Variants in TMEM156 observed in about 807,000 individuals in gnomAD.
TMEM156 encodes the protein transmembrane protein 156.
A neutral mutation model predicts 30.5 loss-of-function variants in TMEM156; 28 were observed. The ratio of observed to expected loss-of-function variants is 0.92; its 90% CI spans 0.68 to 1.26. TMEM156 has a LOEUF of 1.26. TMEM156 is among the 50% of genes most tolerant of loss of function. TMEM156 has a pLI of 0.00. For synonymous variants in TMEM156, 137 were observed against 119.9 expected, an observed-to-expected ratio of 1.14 and a Z score of -0.93; for missense variants, 351 against 340.6, an observed-to-expected ratio of 1.03 and a Z score of -0.24.
At chr4:38,973,322 T>C (rs751465849) in intron 5 of TMEM156, among the ~76,000 whole-genome samples, 25 of 152,344 alleles carry the variant, frequency 1.6e-4, no homozygotes, top group Non-Finnish European at 1.3e-4. Context: ...CATCTTTATA[T>C]ATTCGTCTTC....
At chr4:39,028,427 G>A (rs1010961142) in intron 1 of TMEM156, 2 of 152,202 alleles carry the variant, frequency 1.3e-5, no homozygotes, top group Admixed American at 6.5e-5. Flanking sequence ...TACAAGGAAC[G>A]TCCTCCCAAA....
intron 1 of TMEM156, among the ~76,000 whole-genome samples, chr4:39,000,955 C>T (rs112395642): frequency 9.2e-4 from 140 of 152,102 alleles, no homozygotes; most frequent in African/African-American, 3.1e-3. Context: ...ATTCATCTTT[C>T]CTTTAGGACA....
intron 1 of TMEM156, among the ~76,000 whole-genome samples, chr4:39,017,923 T>A (rs943799603): frequency 1.2e-4 from 19 of 152,322 alleles, no homozygotes; most frequent in African/African-American, 4.6e-4. Context: ...GGAAATTGCT[T>A]TTTTAATCTA....
chr4:38,988,683 C>T (rs1258495370), intron 4 of TMEM156, among the ~76,000 whole-genome samples, 168 bp downstream of exon 4: 1 of 152,198 alleles, frequency 6.6e-6, no homozygotes, highest in African/African-American at 2.4e-5. Context: ...ATGAATGAAG[C>T]TCCTTGCATG....
In TMEM156 at chr4:38,986,345, C is replaced by T. The variant is rs75988651; in HGVS notation, c.814G>A (p.Val272Ile). ...SEKLRALNVQ[V>I]LSAETTQRLP... ...ATGCCACAGAACTTACCTGAAAGAA[C>T]CTGCACATTCAATGCTCTCAGTTTC... Residue 272 changes from valine to isoleucine, a missense_variant, in exon 5 of 7, where the codon GTT becomes ATT. Physicochemically the swap from Val to Ile is conservative, Grantham distance 29. Coordinates refer to ENST00000381938, the MANE Select transcript of TMEM156 (RefSeq NM_024943.3). 0.043 allele frequency: 69,175 copies of T among 1,612,796 alleles called. 1,776 individuals are homozygous for T. Among genetic ancestry groups the T allele is most frequent in the Non-Finnish European group, 0.052 (61,095 of 1,178,828 alleles).
chr4:39,021,518 A>C (rs565987741), intron 1 of TMEM156, among the ~76,000 whole-genome samples: 3 of 152,194 alleles, frequency 2.0e-5, no homozygotes, highest in African/African-American at 2.4e-5. Context: ...TTGCTGTTGC[A>C]TTGTCTGAAT....
chr4:39,007,759 T>G (rs1713841871), intron 1 of TMEM156, among the ~76,000 whole-genome samples: 1 of 152,090 alleles, frequency 6.6e-6, no homozygotes, highest in African/African-American at 2.4e-5. Context: ...ACCCAGCCCT[T>G]TCTGTCTATT....
At chr4:39,021,854 T>A (rs1714892414) in intron 1 of TMEM156, among the ~76,000 whole-genome samples, 1 of 152,238 alleles carries the variant, frequency 6.6e-6, no homozygotes, top group Non-Finnish European at 1.5e-5. Flanking sequence ...TGCTTACTCA[T>A]ACTTTTTGAT....
chr4:39,007,632 A>T lies in TMEM156; in HGVS notation c.89-8723T>A, dbSNP rs1207327838. Among the ~76,000 whole-genome samples the T allele has an allele frequency of 1.3e-5, 2 of 151,244 alleles. 1 individual carries two copies. The highest frequency in any genetic ancestry group is 1.3e-4 in the Admixed American group (2 of 15,180). On this transcript the variant is annotated intron_variant, in intron 1 of 6. Transcript: ENST00000381938. The stretch of plus-strand genomic sequence containing the variant: ...ACCACACCCAGCTCATTTTTTTGGT[A>T]TTTTTTGGTAGAGATGGGGTTTCAC...
chr4:38,997,516 T>C (rs1713017378), intron 2 of TMEM156, among the ~76,000 whole-genome samples: 1 of 152,278 alleles, frequency 6.6e-6, no homozygotes, highest in African/African-American at 2.4e-5. Context: ...GAAATTATGT[T>C]CCCATTCTCA....
chr4:38,992,688 AATATATTATATAAT>A (rs1260500649), intron 3 of TMEM156, among the ~76,000 whole-genome samples: 1 of 46,630 alleles, frequency 2.1e-5, no homozygotes, highest in African/African-American at 7.3e-5. Flanking sequence ...TATATTATAT[AATATATTATATAAT>A]ATATATATAT....
chr4:38,981,164 G>A (rs1257581265), intron 5 of TMEM156, among the ~76,000 whole-genome samples: 19 of 152,108 alleles, frequency 1.2e-4, no homozygotes, highest in Non-Finnish European at 2.1e-4. Context: ...AGGACATCTG[G>A]CACCAGTAAT....
At chr4:39,017,985 A>C (rs1231244807) in intron 1 of TMEM156, among the ~76,000 whole-genome samples, 1 of 152,056 alleles carries the variant, frequency 6.6e-6, no homozygotes, top group Non-Finnish European at 1.5e-5. Context: ...ATTTACATTT[A>C]CTGGGATCAT....
chr4:38,976,976 G>A (rs952428703), intron 5 of TMEM156, among the ~76,000 whole-genome samples: 2 of 152,146 alleles, frequency 1.3e-5, no homozygotes, highest in African/African-American at 2.4e-5. Context: ...CACAATCTTG[G>A]CTCACTACAG....
chr4:38,999,116 T>A (rs1274809038), intron 1 of TMEM156, among the ~76,000 whole-genome samples: 1,605 of 105,372 alleles, frequency 0.015, 32 homozygotes, highest in East Asian at 0.032. Flanking sequence ...ATTTATTTTT[T>A]TTTTTTTTTT....
At chr4:38,967,726 A>G (rs1374998505) in intron 6 of TMEM156, 85 bp from the exon 7 acceptor site, 1 of 152,266 alleles carries the variant, frequency 6.6e-6, no homozygotes, top group Non-Finnish European at 1.5e-5. Context: ...GCAGAAAACA[A>G]TTTTAAAACC....
intron 5 of TMEM156, among the ~76,000 whole-genome samples, chr4:38,975,229 A>G (rs1036270626): frequency 6.6e-6 from 1 of 152,100 alleles, no homozygotes; most frequent in Non-Finnish European, 1.5e-5. Flanking sequence ...GCTCTCCTCC[A>G]CACACATCCA....
intron 3 of TMEM156, 48 bp downstream of exon 3, chr4:38,993,690 A>G (rs11721954): frequency 0.4 from 609,623 of 1,542,928 alleles, 123,464 homozygotes; most frequent in East Asian, 0.63. Context: ...AATTTTACAT[A>G]TCTATATCGG....
At chr4:38,987,424 C>T (rs1712084483) in intron 4 of TMEM156, among the ~76,000 whole-genome samples, 1 of 152,212 alleles carries the variant, frequency 6.6e-6, no homozygotes. Flanking sequence ...TTATTAACCA[C>T]TGCACAAAGG....
Sources: allele counts gnomAD v4.1 joint callset (sites outside exome capture counted in the v4.1 genomes callset), GRCh38; gene constraint gnomAD v4.1.1; transcripts MANE v1.5; gene names NCBI Gene and HGNC (gene_info 2026-07-23, HGNC 2026-07-21).